Variants in ATAD2 observed in about 807,000 individuals in gnomAD.
ATAD2 encodes ATPase family AAA domain containing 2.
A neutral mutation model predicts 168.9 loss-of-function variants in ATAD2; 62 were observed. The ratio of observed to expected loss-of-function variants is 0.37; its 90% confidence interval spans 0.30 to 0.45. ATAD2 has a LOEUF of 0.45. ATAD2 is among the 20% of genes least tolerant of loss of function. ATAD2 has a pLI of 1.00. For missense variants in ATAD2, 1,419 were observed against 1,667.8 expected, an observed-to-expected ratio of 0.85 and a Z score of 2.60; for synonymous variants, 613 against 571.6, an observed-to-expected ratio of 1.07 and a Z score of -1.03.
intron 1 of ATAD2, chr8:123,401,590 G>C (rs747973470): frequency 2.5e-5 from 33 of 1,327,310 alleles, no homozygotes; most frequent in Non-Finnish European, 3.1e-5. Context: ...ATGGCATGTG[G>C]TTGCCCCCAG....
chr8:123,354,015 T>A (rs1278150134), intron 13 of ATAD2, among the ~76,000 whole-genome samples: 1 of 152,162 alleles, frequency 6.6e-6, no homozygotes, highest in Non-Finnish European at 1.5e-5. Flanking sequence ...ATGCCTGTAA[T>A]CCCAGCTACT....
At chr8:123,395,107 C>T (rs571960725) in intron 1 of ATAD2, among the ~76,000 whole-genome samples, 1 of 152,118 alleles carries the variant, frequency 6.6e-6, no homozygotes, top group African/African-American at 2.4e-5. Context: ...TTCCCCTGAG[C>T]CTCTCATTCT....
At chr8:123,363,207 CA>C (rs1276783434) in intron 8 of ATAD2, among the ~76,000 whole-genome samples, 1 of 152,116 alleles carries the variant, frequency 6.6e-6, no homozygotes, top group Non-Finnish European at 1.5e-5. Flanking sequence ...AAACGTGTAT[CA>C]AAAAAACTCG....
intron 2 of ATAD2, among the ~76,000 whole-genome samples, chr8:123,376,562 T>A (rs552947095): frequency 1.3e-5 from 2 of 150,256 alleles, no homozygotes; most frequent in African/African-American, 4.9e-5. Context: ...TCAAAAAAAA[T>A]ACACACACAC....
chr8:123,410,246 A>G (rs1271862271), intron 1 of ATAD2, among the ~76,000 whole-genome samples: 2 of 151,954 alleles, frequency 1.3e-5, no homozygotes, highest in Admixed American at 6.6e-5. Flanking sequence ...TTCTGAAACC[A>G]TATCCGTTTT....
At position 123,375,185 on chromosome 8, in the gene ATAD2, C is replaced by T. The variant is rs139774437; in HGVS notation, c.321-2499G>A. On this transcript the variant is annotated intron_variant, in intron 2 of 27. Transcript: ENST00000287394. ...TTACCATTACGTAAAATAATCATCACTATTTGTAATAATGACCTGAATGTA... is the reference window on the plus strand; with the variant it reads ...TTACCATTACGTAAAATAATCATCATTATTTGTAATAATGACCTGAATGTA... Among the ~76,000 whole-genome samples the T allele has an allele frequency of 5.7e-3, 873 of 152,314 alleles. 6 individuals carry two copies. Among genetic ancestry groups the T allele is most frequent in the Middle Eastern group, 0.027 (8 of 294 alleles).
intron 1 of ATAD2, among the ~76,000 whole-genome samples, 158 bp downstream of exon 1, chr8:123,396,029 A>C (rs2129989138): frequency 6.6e-6 from 1 of 152,238 alleles, no homozygotes; most frequent in East Asian, 1.9e-4. Flanking sequence ...CGCACCTCCG[A>C]TCCCGAGAGC....
intron 26 of ATAD2, 117 bp downstream of exon 26, chr8:123,325,776 A>C: frequency 7.4e-7 from 1 of 1,349,976 alleles, no homozygotes; most frequent in South Asian, 1.4e-5. Flanking sequence ...GCTTGGAGGA[A>C]AAAAAGTTTT....
rs1304723104 is a variant in ATAD2 at position 123,319,919 on chromosome 8, A to AAGATGCATC, written c.*1206_*1214dup. 2.0e-5 allele frequency: 3 copies of AAGATGCATC among 152,224 alleles called. No homozygotes were observed. The highest frequency in any genetic ancestry group is 4.4e-5 in the Non-Finnish European group (3 of 68,034). 9.4% of individuals were successfully genotyped at this position (152,224 alleles called of 1,614,324 possible). On this transcript the variant is annotated 3_prime_UTR_variant, in exon 28 of 28. Coordinates refer to ENST00000287394, the MANE Select transcript of ATAD2 (RefSeq NM_014109.4). ...ACACAAAATGAAATCCTAGTTATAAAAGATGCATCTAGAAGAATAATTTAT... is the reference window on the plus strand; with the variant it reads ...ACACAAAATGAAATCCTAGTTATAAAAGATGCATCAGATGCATCTAGAAGAATAATTTAT...
At chr8:123,373,398 TA>T (rs907482492) in intron 2 of ATAD2, among the ~76,000 whole-genome samples, 8 of 152,204 alleles carry the variant, frequency 5.3e-5, no homozygotes, top group African/African-American at 1.9e-4. Flanking sequence ...AAACAAGACA[TA>T]ACTGTATTTC....
chr8:123,400,837 A>T (rs1812986399), upstream of ATAD2: 6 of 1,302,318 alleles, frequency 4.6e-6, no homozygotes, highest in South Asian at 7.1e-5. This position sits in a 1 kb window ranked among gnomAD's most constrained non-coding sequence, Gnocchi z 4.5. Flanking sequence ...GGTGGGAGGT[A>T]TTGGTTTCAT....
chr8:123,324,340 G>GT (rs1404097041), intron 26 of ATAD2, among the ~76,000 whole-genome samples: 2 of 152,168 alleles, frequency 1.3e-5, no homozygotes, highest in Non-Finnish European at 2.9e-5. Flanking sequence ...TACAAATAAT[G>GT]TATCTCTGAT....
chr8:123,401,606 TG>T (rs1813003810), intron 1 of ATAD2: 4 of 1,174,402 alleles, frequency 3.4e-6, no homozygotes, highest in Non-Finnish European at 5.1e-6. Flanking sequence ...CCCAGGGCAC[TG>T]TGTGTACAAG....
chr8:123,366,832 T>C (rs1004389822), intron 8 of ATAD2, among the ~76,000 whole-genome samples: 3 of 151,612 alleles, frequency 2.0e-5, no homozygotes, highest in African/African-American at 7.3e-5. Context: ...AAATCACTAC[T>C]GAAGAACTTA....
intron 11 of ATAD2, among the ~76,000 whole-genome samples, chr8:123,358,906 G>A (rs553532054): frequency 9.3e-5 from 14 of 150,882 alleles, no homozygotes; most frequent in Admixed American, 4.6e-4. Context: ...GTTTCACCAC[G>A]TTGCCCAGGC....
chr8:123,322,521 T>C (rs555312398), intron 27 of ATAD2, among the ~76,000 whole-genome samples: 2 of 152,020 alleles, frequency 1.3e-5, no homozygotes, highest in East Asian at 3.9e-4. Flanking sequence ...ACACAAAAAT[T>C]AGCTGGGCAT....
At chr8:123,322,174 C>G (rs1827487899) in intron 27 of ATAD2, among the ~76,000 whole-genome samples, 1 of 151,964 alleles carries the variant, frequency 6.6e-6, no homozygotes, top group Non-Finnish European at 1.5e-5. Context: ...TTTTAGTAGA[C>G]ATGGGGTTTC....
rs965603832 is a variant in ATAD2, at chr8:123,351,099, A to G, written c.1647-1655T>C. 3.9e-5 allele frequency among the ~76,000 whole-genome samples: 6 copies of G among 152,132 alleles called. No individual in the cohort carries two copies. In the East Asian group the frequency reaches 9.6e-4, roughly 24 times the overall value. ...GGGATGGCATATTTCACAGGAAGAT[A>G]CCACGTAATTCCTATTATATCCCCA... On this transcript the variant is annotated intron_variant, in intron 13 of 27. Transcript: ENST00000287394.
intron 2 of ATAD2, among the ~76,000 whole-genome samples, chr8:123,374,913 C>T (rs561063116): frequency 2.0e-5 from 3 of 152,236 alleles, no homozygotes; most frequent in Admixed American, 6.5e-5. Flanking sequence ...GTATGTAGAT[C>T]GTACCCTCAT....
Sources: gnomAD v4.1 joint callset for allele counts (sites outside exome capture counted in the v4.1 genomes callset) on GRCh38, gnomAD v4.1.1 for gene constraint, Gnocchi (gnomAD v3.1) non-coding constraint, MANE v1.5 for transcripts, NCBI Gene and HGNC (gene_info 2026-07-23, HGNC 2026-07-21) for gene names.